Variants in DTNB observed in about 807,000 individuals in gnomAD.
DTNB encodes dystrobrevin beta, also known as DTN-B.
In DTNB, 63 loss-of-function variants were observed where a neutral mutation model predicts 90.7. The ratio of observed to expected loss-of-function variants is 0.69; its 90% CI spans 0.57 to 0.86. The LOEUF is 0.86. Among genes scored for constraint, DTNB ranks in the 40% least tolerant of loss-of-function variants. DTNB has a pLI of 0.00. For missense variants in DTNB, 744 were observed against 807.1 expected, an observed-to-expected ratio of 0.92 and a Z score of 0.95; for synonymous variants, 277 against 286.7, an observed-to-expected ratio of 0.97 and a Z score of 0.34.
At chr2:25,409,499 A>G (rs764608536) in intron 16 of DTNB, among the ~76,000 whole-genome samples, 5 of 152,222 alleles carry the variant, frequency 3.3e-5, no homozygotes, top group Non-Finnish European at 5.9e-5. Context: ...TGTGTAATTC[A>G]CAGATTTAAG....
intron 1 of DTNB, chr2:25,672,902 G>C (rs1164281195): frequency 6.6e-6 from 1 of 152,260 alleles, no homozygotes; most frequent in Admixed American, 6.5e-5. Flanking sequence ...CTCCTGGACA[G>C]GTTCGCTATT....
chr2:25,574,679 C>G (rs2148110527), intron 8 of DTNB, among the ~76,000 whole-genome samples: 1 of 152,332 alleles, frequency 6.6e-6, no homozygotes, highest in African/African-American at 2.4e-5. Context: ...AACCTCTTTA[C>G]TCAGCCTTAC....
intron 8 of DTNB, among the ~76,000 whole-genome samples, chr2:25,544,659 C>T (rs966889903): frequency 6.6e-6 from 1 of 152,190 alleles, no homozygotes; most frequent in African/African-American, 2.4e-5. Context: ...TGAACACTTA[C>T]CACAATCTTA....
intron 16 of DTNB, among the ~76,000 whole-genome samples, chr2:25,398,305 T>C (rs1017165657): frequency 3.3e-5 from 5 of 152,234 alleles, no homozygotes; most frequent in African/African-American, 4.8e-5. Context: ...GTTGTGTTTG[T>C]TCAGAGCAGT....
intron 16 of DTNB, among the ~76,000 whole-genome samples, chr2:25,410,939 T>A (rs558470196): frequency 6.6e-6 from 1 of 151,598 alleles, no homozygotes; most frequent in Admixed American, 6.6e-5. Context: ...CTTTTCTTTT[T>A]TTTTTTTTTT....
intron 6 of DTNB, among the ~76,000 whole-genome samples, chr2:25,594,352 G>A (rs17047084): frequency 0.06 from 9,060 of 152,264 alleles, 872 homozygotes; most frequent in African/African-American, 0.2. Flanking sequence ...CACAAAACCA[G>A]TCAGGCAAAG....
chr2:25,405,798 G>A (rs926790431), intron 16 of DTNB, among the ~76,000 whole-genome samples: 3 of 152,146 alleles, frequency 2.0e-5, no homozygotes, highest in African/African-American at 7.2e-5. Context: ...GCCGGTGAAG[G>A]TTTCTAAGGA....
At position 25,387,435 on chromosome 2, in the gene DTNB, G is replaced by T; in HGVS notation, c.1736-57C>A. 1 of 1,539,364 alleles carries T rather than the reference G, an allele frequency of 6.5e-7. No homozygotes were observed. Among genetic ancestry groups the T allele is most frequent in the Non-Finnish European group, 8.9e-7 (1 of 1,119,200 alleles). On this transcript the variant is annotated intron_variant, in intron 17 of 20. Transcript: ENST00000406818. This position sits in a 1 kb window ranked among gnomAD's most constrained non-coding sequence, Gnocchi z 4.5. ...GGGTGGGTGAGCGTGGAGAAGAGAC[G>T]GCTGAGCAAATGCCTCAGTTCTGCC...
chr2:25,544,504 ACT>A (rs766348619), intron 8 of DTNB, among the ~76,000 whole-genome samples: 19 of 152,062 alleles, frequency 1.2e-4, no homozygotes, highest in South Asian at 2.1e-4. Flanking sequence ...ACTTCCAATT[ACT>A]CTCTCTTTCT....
Position 25,380,266 on chromosome 2 carries a change from T to G in DTNB, c.1880-943A>C, listed in dbSNP as rs577146794. Among the ~76,000 whole-genome samples, 4 of 152,328 alleles carry G rather than the reference T, an allele frequency of 2.6e-5. No homozygotes were observed. The South Asian group carries it at 8.3e-4, about 32-fold the overall frequency. On this transcript the variant is annotated intron_variant, in intron 19 of 20. Coordinates refer to ENST00000406818, the MANE Select transcript of DTNB (RefSeq NM_021907.5). ...TACTCTCTCTCTTTACGGTTGACAG[T>G]TACAGATCTCTGGTGTCCAGGTGAC...
At position 25,661,202 on chromosome 2, in the gene DTNB, C is replaced by T. The variant is rs144747576; in HGVS notation, c.-1-8541G>A. 3.5e-3 allele frequency among the ~76,000 whole-genome samples: 537 copies of T among 152,192 alleles called. 2 individuals are homozygous for T. Among genetic ancestry groups the T allele is most frequent in the Admixed American group, 8.6e-3 (132 of 15,286 alleles). On this transcript the variant is annotated intron_variant, in intron 1 of 20. Coordinates refer to ENST00000406818, the MANE Select transcript of DTNB (RefSeq NM_021907.5). ...GAAGGACTTTCTAAGCAAAAGTTTGCCTAAGTTAAACTACACTTAAATCTA... is the reference window on the plus strand; with the variant it reads ...GAAGGACTTTCTAAGCAAAAGTTTGTCTAAGTTAAACTACACTTAAATCTA...
At chr2:25,460,334 C>T (rs2060735306) in intron 10 of DTNB, among the ~76,000 whole-genome samples, 1 of 152,052 alleles carries the variant, frequency 6.6e-6, no homozygotes, top group African/African-American at 2.4e-5. Flanking sequence ...AGCGAAGGTA[C>T]TCATCAGGAG....
intron 2 of DTNB, among the ~76,000 whole-genome samples, chr2:25,646,504 C>T (rs2148892711): frequency 6.6e-6 from 1 of 152,128 alleles, no homozygotes; most frequent in African/African-American, 2.4e-5. Flanking sequence ...CTTATTACAA[C>T]CTATTCTCTC....
At chr2:25,586,756 C>T (rs146326683) in intron 6 of DTNB, among the ~76,000 whole-genome samples, 9 of 151,990 alleles carry the variant, frequency 5.9e-5, no homozygotes, top group African/African-American at 2.2e-4. Context: ...GAATCTGAAG[C>T]CTTTTTTGGA....
At chr2:25,410,444 A>G (rs2046311936) in intron 16 of DTNB, among the ~76,000 whole-genome samples, 1 of 152,260 alleles carries the variant, frequency 6.6e-6, no homozygotes, top group Non-Finnish European at 1.5e-5. Context: ...CCCATCCCCC[A>G]TCCCCACCAC....
chr2:25,378,383 C>T (rs554518560), intron 20 of DTNB, among the ~76,000 whole-genome samples: 12 of 152,320 alleles, frequency 7.9e-5, no homozygotes, highest in Middle Eastern at 3.4e-3. Flanking sequence ...CAGCGCAGGC[C>T]GAGGCTGCAG....
chr2:25,416,661 G>A (rs1431666945), intron 16 of DTNB, among the ~76,000 whole-genome samples: 1 of 152,052 alleles, frequency 6.6e-6, no homozygotes, highest in South Asian at 2.1e-4. Flanking sequence ...GCAAGACTCT[G>A]TCTCAGAAAA....
chr2:25,404,569 T>A (rs1450496209), intron 16 of DTNB, among the ~76,000 whole-genome samples: 2 of 152,030 alleles, frequency 1.3e-5, no homozygotes, highest in Admixed American at 6.6e-5. Context: ...AGGCCACAGA[T>A]AAGGGCTGGG....
chr2:25,614,804 C>G (rs1315819124), intron 4 of DTNB, among the ~76,000 whole-genome samples: 1 of 152,306 alleles, frequency 6.6e-6, no homozygotes, highest in African/African-American at 2.4e-5. Flanking sequence ...TACTCTCTTA[C>G]ACAGCAATTC....
Sources: allele counts gnomAD v4.1 joint callset (sites outside exome capture counted in the v4.1 genomes callset), GRCh38; gene constraint gnomAD v4.1.1; non-coding constraint Gnocchi (gnomAD v3.1); transcripts MANE v1.5; gene names NCBI Gene and HGNC (gene_info 2026-07-23, HGNC 2026-07-21).